ARB2A: variants seen among roughly 807,000 people sequenced by gnomAD.
ARB2A encodes the protein ARB2 cotranscriptional regulator A.
the ARB2A span, among the ~76,000 whole-genome samples, chr5:93,824,854 C>G: frequency 0.82 from 124,280 of 152,216 alleles, 51,114 homozygotes; most frequent in East Asian, 0.95. Flanking sequence ...CTAAATTTCT[C>G]AAAACACTTT....
the ARB2A span, among the ~76,000 whole-genome samples, chr5:93,936,781 T>C: frequency 6.6e-6 from 1 of 152,150 alleles, no homozygotes; most frequent in Non-Finnish European, 1.5e-5. Context: ...AAATGTCACT[T>C]TGGGAGACAA....
the ARB2A span, among the ~76,000 whole-genome samples, chr5:93,744,007 T>G: frequency 6.6e-6 from 1 of 152,152 alleles, no homozygotes; most frequent in African/African-American, 2.4e-5. Context: ...AAAAGGTTCA[T>G]TAGTGGTTTA....
the ARB2A span, among the ~76,000 whole-genome samples, chr5:93,963,878 G>A: frequency 1.3e-5 from 2 of 151,678 alleles, no homozygotes; most frequent in Non-Finnish European, 2.9e-5. Context: ...GTTTCGTTTT[G>A]TTTTTTGACA....
chr5:93,796,198 A>T, the ARB2A span, among the ~76,000 whole-genome samples: 1 of 152,214 alleles, frequency 6.6e-6, no homozygotes, highest in Non-Finnish European at 1.5e-5. Flanking sequence ...GTGCGATATA[A>T]ATTTGGGGAC....
chr5:94,076,834 A>ATTATTT, the ARB2A span, among the ~76,000 whole-genome samples: 160 of 152,252 alleles, frequency 1.1e-3, no homozygotes, highest in African/African-American at 3.2e-3. Context: ...AAACTATTAG[A>ATTATTT]TTATTTTTCA....
chr5:94,072,914 A>T, the ARB2A span, among the ~76,000 whole-genome samples: 1 of 152,122 alleles, frequency 6.6e-6, no homozygotes, highest in Admixed American at 6.5e-5. Flanking sequence ...ACTTTCTTCC[A>T]GCATGCACTG....
At chr5:93,907,443 A>G in the ARB2A span, among the ~76,000 whole-genome samples, 1 of 151,402 alleles carries the variant, frequency 6.6e-6, no homozygotes, top group African/African-American at 2.4e-5. Flanking sequence ...CAAATGTAAT[A>G]CTCAGACTCA....
At chr5:93,886,722 A>C in the ARB2A span, among the ~76,000 whole-genome samples, 1 of 151,596 alleles carries the variant, frequency 6.6e-6, no homozygotes, top group Non-Finnish European at 1.5e-5. Context: ...CCATTATTTT[A>C]GCAATTTTCT....
chr5:93,920,995 C>A, the ARB2A span, among the ~76,000 whole-genome samples: 4 of 151,982 alleles, frequency 2.6e-5, 1 homozygote, highest in South Asian at 8.3e-4. Flanking sequence ...CCATGAGACT[C>A]ATGAAGTGCC....
the ARB2A span, among the ~76,000 whole-genome samples, chr5:94,040,777 G>T: frequency 6.6e-6 from 1 of 152,092 alleles, no homozygotes; most frequent in Non-Finnish European, 1.5e-5. Flanking sequence ...CTTGCCCAGA[G>T]ATCACAAGTT....
the ARB2A span, among the ~76,000 whole-genome samples, chr5:93,842,747 A>G: frequency 6.6e-6 from 1 of 152,194 alleles, no homozygotes; most frequent in African/African-American, 2.4e-5. Flanking sequence ...GGAGAGTGAC[A>G]TGTACATGCT....
At chr5:93,706,651 A>G in the ARB2A span, among the ~76,000 whole-genome samples, 1 of 152,120 alleles carries the variant, frequency 6.6e-6, no homozygotes, top group South Asian at 2.1e-4. Flanking sequence ...GCGCATCACA[A>G]GGTCAGGAGA....
chr5:93,922,980 C>T, the ARB2A span, among the ~76,000 whole-genome samples: 176 of 151,680 alleles, frequency 1.2e-3, no homozygotes, highest in African/African-American at 4.1e-3. Flanking sequence ...CATGTATTTC[C>T]ACAAAGTTAC....
At chr5:93,689,385 G>C in the ARB2A span, among the ~76,000 whole-genome samples, 7 of 152,308 alleles carry the variant, frequency 4.6e-5, no homozygotes, top group African/African-American at 1.4e-4. Flanking sequence ...CTGAATATAA[G>C]TGAAGGGTAT....
At chr5:93,753,460 C>A in the ARB2A span, among the ~76,000 whole-genome samples, 1 of 152,174 alleles carries the variant, frequency 6.6e-6, no homozygotes, top group East Asian at 1.9e-4. Context: ...AAATTCACCT[C>A]ATAATTGCTA....
the ARB2A span, among the ~76,000 whole-genome samples, chr5:94,108,682 C>T: frequency 2.0e-5 from 3 of 151,894 alleles, no homozygotes; most frequent in Non-Finnish European, 2.9e-5. Context: ...ACTTTACACC[C>T]ATCAGGATCG....
chr5:93,722,567 CT>C, the ARB2A span, among the ~76,000 whole-genome samples: 1 of 151,964 alleles, frequency 6.6e-6, no homozygotes, highest in African/African-American at 2.4e-5. Context: ...TAGGTAGAAA[CT>C]AACTACAGGA....
At chr5:93,910,354 A>T in the ARB2A span, among the ~76,000 whole-genome samples, 1 of 151,278 alleles carries the variant, frequency 6.6e-6, no homozygotes, top group South Asian at 2.1e-4. Context: ...TGCTGAAAAA[A>T]GTATAGATGA....
chr5:93,830,313 A>ATGTGTGTG, the ARB2A span, among the ~76,000 whole-genome samples: 12,186 of 50,968 alleles, frequency 0.24, 712 homozygotes, highest in East Asian at 0.32. Flanking sequence ...GTGTGTGTGT[A>ATGTGTGTG]TATATATATA....
Sources: allele counts gnomAD v4.1 joint callset (sites outside exome capture counted in the v4.1 genomes callset), GRCh38; gene constraint gnomAD v4.1.1; transcripts MANE v1.5; gene names NCBI Gene and HGNC (gene_info 2026-07-23, HGNC 2026-07-21).